Variants in ZNF440 observed in about 807,000 individuals in gnomAD.
ZNF440 encodes zinc finger protein 440.
ZNF440 carries 47 observed loss-of-function variants against 49.7 expected under a neutral mutation model. The ratio of observed to expected loss-of-function variants is 0.95; its 90% confidence interval spans 0.75 to 1.21. The LOEUF (loss-of-function observed/expected upper bound fraction) is 1.21, where lower values mean the gene tolerates loss of function less well. ZNF440 is among the 50% of genes most tolerant of loss of function. ZNF440 has a pLI of 0.00. For missense variants in ZNF440, 703 were observed against 715.0 expected, an observed-to-expected ratio of 0.98 and a Z score of 0.19; for synonymous variants, 255 against 237.7, an observed-to-expected ratio of 1.07 and a Z score of -0.67.
At chr19:11,825,221 T>A (rs1322870687) in intron 1 of ZNF440, among the ~76,000 whole-genome samples, 1 of 152,064 alleles carries the variant, frequency 6.6e-6, no homozygotes, top group Non-Finnish European at 1.5e-5. Context: ...AGAAACCATA[T>A]TGACTTTGTG....
At chr19:11,828,315 C>T (rs1975891678) in intron 1 of ZNF440, among the ~76,000 whole-genome samples, 2 of 108,282 alleles carry the variant, frequency 1.8e-5, no homozygotes, top group Admixed American at 1.9e-4. Flanking sequence ...ACGTCCCAGT[C>T]AAGTGACTGG....
At chr19:11,818,674 G>C (rs1211812931) in intron 1 of ZNF440, among the ~76,000 whole-genome samples, 2 of 152,086 alleles carry the variant, frequency 1.3e-5, no homozygotes, top group East Asian at 3.9e-4. Flanking sequence ...CCAAGTAGCT[G>C]AGACTATAGT....
chr19:11,822,010 G>A (rs184515604), intron 1 of ZNF440, among the ~76,000 whole-genome samples: 5 of 152,354 alleles, frequency 3.3e-5, no homozygotes, highest in Non-Finnish European at 1.5e-5. Context: ...GGACCTGTGG[G>A]CCAAAGCGTT....
chr19:11,814,415 C>G lies in ZNF440; in HGVS notation c.-33C>G, dbSNP rs1975705957. 6.4e-7 allele frequency: 1 copy of G among 1,559,972 alleles called. No homozygotes were observed. On this transcript the variant is annotated 5_prime_UTR_variant, in exon 1 of 4. Coordinates refer to ENST00000304060, the MANE Select transcript of ZNF440 (RefSeq NM_152357.3). ...ACCTACACTAGTCGCGGGAGCCACGCAGAGGACGCCGGAACACCCTGGAAG... is the reference window on the plus strand; with the variant it reads ...ACCTACACTAGTCGCGGGAGCCACGGAGAGGACGCCGGAACACCCTGGAAG...
Position 11,832,642 on chromosome 19 carries a change from A to G in ZNF440, c.1466A>G (p.Lys489Arg), listed in dbSNP as rs959672861. 5.0e-6 allele frequency: 8 copies of G among 1,613,708 alleles called. No homozygotes were observed. The highest frequency in any genetic ancestry group is 1.7e-5 in the Admixed American group (1 of 59,976). ...ACTGGAGAGAAACTCTATGAATGCA[A>G]GCAACGTTCAGTAGTTCCTTCAGTA... Reference protein sequence around the residue: ...THTGEKLYECKQRSVVPSVVP... With the variant: ...THTGEKLYECRQRSVVPSVVP... Residue 489 changes from lysine to arginine, a missense_variant, in exon 4 of 4, where the codon AAG becomes AGG. Lys to Arg is a conservative substitution (Grantham distance 26, BLOSUM62 2). Coordinates refer to ENST00000304060, the MANE Select transcript of ZNF440 (RefSeq NM_152357.3).
Position 11,832,922 on chromosome 19 carries a change from G to T in ZNF440, c.1746G>T (p.Leu582=). 6.2e-7 allele frequency: 1 copy of T among 1,610,314 alleles called. No homozygotes were observed. The highest frequency in any genetic ancestry group is 8.5e-7 in the Non-Finnish European group (1 of 1,178,984). ...GGAATGTGGGAAACCCTTCGGATCTGCCCAGAACCTTCGAATTCATGAAAG... is the reference window on the plus strand; with the variant it reads ...GGAATGTGGGAAACCCTTCGGATCTTCCCAGAACCTTCGAATTCATGAAAG... ...HVRNVGNPSD[L]PRTFEFMKGH... Residue 582 remains leucine, a synonymous_variant, in exon 4 of 4, where the codon CTG becomes CTT. Coordinates refer to ENST00000304060, the MANE Select transcript of ZNF440 (RefSeq NM_152357.3).
intron 1 of ZNF440, among the ~76,000 whole-genome samples, chr19:11,824,606 T>C (rs1975839710): frequency 6.6e-6 from 1 of 152,140 alleles, no homozygotes; most frequent in Admixed American, 6.6e-5. Flanking sequence ...ATTTAATGGA[T>C]TTTATTATTT....
intron 3 of ZNF440, among the ~76,000 whole-genome samples, 174 bp from the exon 4 acceptor site, chr19:11,831,194 G>T (rs1050682632): frequency 2.0e-5 from 3 of 152,194 alleles, no homozygotes; most frequent in Admixed American, 6.5e-5. Context: ...TAAATAATAG[G>T]TATGGCTGGG....
chr19:11,820,465 G>T (rs1446078490), intron 1 of ZNF440, among the ~76,000 whole-genome samples: 1 of 152,076 alleles, frequency 6.6e-6, no homozygotes, highest in Non-Finnish European at 1.5e-5. Context: ...TGATCCGCCC[G>T]CCTCGGCCTC....
chr19:11,832,978 G>C lies in ZNF440; in HGVS notation c.*14G>C. On this transcript the variant is annotated 3_prime_UTR_variant, in exon 4 of 4. Transcript: ENST00000304060. ...AAACACACATAATGCACTCTGTAGA[G>C]AGACCTTATAAATGTAAGATATGTG... is the stretch of plus-strand genomic sequence containing the variant. The C allele has an allele frequency of 6.2e-7, 1 of 1,603,328 alleles. No individual in the cohort carries two copies. The highest frequency in any genetic ancestry group is 1.8e-5 in the Admixed American group (1 of 56,022).
At chr19:11,830,483 A>C in intron 2 of ZNF440, 74 bp downstream of exon 2, 1 of 1,606,002 alleles carries the variant, frequency 6.2e-7, no homozygotes, top group South Asian at 1.1e-5. Context: ...CTGTTGAGTG[A>C]TTTAGAACAT....
chr19:11,821,228 G>A (rs993385089), intron 1 of ZNF440, among the ~76,000 whole-genome samples: 6 of 152,154 alleles, frequency 3.9e-5, no homozygotes, highest in African/African-American at 1.4e-4. Context: ...ATGTCTCTTG[G>A]AGGGTCTAGT....
intron 1 of ZNF440, among the ~76,000 whole-genome samples, chr19:11,822,641 A>G (rs1975812867): frequency 6.6e-6 from 1 of 152,132 alleles, no homozygotes; most frequent in South Asian, 2.1e-4. Context: ...TGAGATCAGG[A>G]GTTCAAGATC....
At position 11,832,931 on chromosome 19, in the gene ZNF440, C is replaced by G. The variant is rs1022678764; in HGVS notation, c.1755C>G (p.Thr585=). The change falls in exon 4 of 4, where the codon ACC becomes ACG. Residue 585 remains threonine (T), a synonymous_variant. Transcript: ENST00000304060. ...NVGNPSDLPR[T]FEFMKGHKHT ...GAAACCCTTCGGATCTGCCCAGAACCTTCGAATTCATGAAAGGACACAAAC... is the reference window on the plus strand; with the variant it reads ...GAAACCCTTCGGATCTGCCCAGAACGTTCGAATTCATGAAAGGACACAAAC... 6.2e-7 allele frequency: 1 copy of G among 1,609,338 alleles called. No individual in the cohort carries two copies.
intron 1 of ZNF440, among the ~76,000 whole-genome samples, chr19:11,828,696 T>C (rs1318725025): frequency 1.3e-5 from 2 of 150,044 alleles, no homozygotes; most frequent in Non-Finnish European, 3.0e-5. Context: ...TCTTTTTTTT[T>C]TTTTTTGAAT....
chr19:11,832,449 G>C lies in ZNF440; in HGVS notation c.1273G>C (p.Glu425Gln), dbSNP rs1484479402. 1.9e-6 allele frequency: 3 copies of C among 1,613,550 alleles called. No individual in the cohort carries two copies. The highest frequency in any genetic ancestry group is 1.3e-5 in the African/African-American group (1 of 74,810). The change falls in exon 4 of 4, where the codon GAA becomes CAA. Residue 425 changes from glutamate (E) to glutamine (Q), a missense_variant. By Grantham distance (29) the Glu-to-Gln change is conservative. Coordinates refer to ENST00000304060, the MANE Select transcript of ZNF440 (RefSeq NM_152357.3). ...GACTCACACTGGAGAGAAACCGTAT[G>C]AATGTAAGGAATGTGGGAAAGCCTT... is the stretch of plus-strand genomic sequence containing the variant. ...GRTHTGEKPY[E>Q]CKECGKAFRY... is the part of the protein sequence containing the mutation.
intron 1 of ZNF440, chr19:11,816,676 G>A (rs1350051113): frequency 6.6e-6 from 1 of 152,190 alleles, no homozygotes; most frequent in Non-Finnish European, 1.5e-5. Context: ...TGTAGCCCAG[G>A]GTGGTGTGCA....
chr19:11,833,680 C>T lies in ZNF440; in HGVS notation c.*716C>T. ...TATGAGTGTATGCCAAGTGGGAAAG[C>T]CTTCATTTCTTCTAGTTCCCTTCAA... is the stretch of plus-strand genomic sequence containing the variant. On this transcript the variant is annotated 3_prime_UTR_variant, in exon 4 of 4. Transcript: ENST00000304060. The T allele has an allele frequency of 2.0e-6, 1 of 498,580 alleles. No individual in the cohort carries two copies. Among genetic ancestry groups the T allele is most frequent in the South Asian group, 2.4e-5 (1 of 41,406 alleles). The allele number at this position is 498,580 out of a possible 1,614,324, so 30.9% of individuals were successfully genotyped here. A position where few individuals can be genotyped will look rare whatever the true frequency, so the allele number is the denominator to read the frequency against.
At chr19:11,830,216 A>T in intron 1 of ZNF440, 67 bp from the exon 2 acceptor site, 3 of 1,597,532 alleles carry the variant, frequency 1.9e-6, no homozygotes, top group Non-Finnish European at 2.6e-6. Flanking sequence ...ACTTCTTGGG[A>T]ATAGAGTCTA....
Sources: gnomAD v4.1 joint callset for allele counts (sites outside exome capture counted in the v4.1 genomes callset) on GRCh38, gnomAD v4.1.1 for gene constraint, MANE v1.5 for transcripts, NCBI Gene and HGNC (gene_info 2026-07-23, HGNC 2026-07-21) for gene names.